DPP10: variants seen among roughly 807,000 people sequenced by gnomAD.
DPP10 encodes dipeptidyl peptidase like 10, also known as inactive dipeptidyl peptidase 10.
In DPP10, 33 loss-of-function variants were observed where a neutral mutation model predicts 120.9. The ratio of observed to expected loss-of-function variants is 0.27; its 90% confidence interval spans 0.21 to 0.37. The LOEUF (loss-of-function observed/expected upper bound fraction) is 0.37, where lower values mean the gene tolerates loss of function less well. Among genes scored for constraint, DPP10 ranks in the 10% least tolerant of loss-of-function variants. The pLI is 1.00. For synonymous variants in DPP10, 337 were observed against 326.1 expected, an observed-to-expected ratio of 1.03 and a Z score of -0.36; for missense variants, 816 against 942.8, an observed-to-expected ratio of 0.87 and a Z score of 1.76.
rs748641469 is a variant in DPP10, at chr2:114,442,713, G to A, written c.-66G>A. 1 of 1,593,514 alleles carries A rather than the reference G, an allele frequency of 6.3e-7. No homozygotes were observed. The highest frequency in any genetic ancestry group is 8.6e-7 in the Non-Finnish European group (1 of 1,164,652). ...CAGCCCCTACTGAAGTCCAATAGAG[G>A]AGACTTGATCTCTAGTTCATTCTGG... is the stretch of plus-strand genomic sequence containing the variant. On this transcript the variant is annotated 5_prime_UTR_variant, in exon 1 of 26. Transcript: ENST00000410059.
At chr2:115,833,005 A>T (rs908114184) in intron 21 of DPP10, among the ~76,000 whole-genome samples, 1 of 152,170 alleles carries the variant, frequency 6.6e-6, no homozygotes, top group Non-Finnish European at 1.5e-5. Context: ...TTGAATCTGT[A>T]TGCTGACAAC....
At chr2:115,639,553 G>T (rs1271888893) in intron 5 of DPP10, among the ~76,000 whole-genome samples, 1 of 152,068 alleles carries the variant, frequency 6.6e-6, no homozygotes, top group South Asian at 2.1e-4. Context: ...TTTATGCAAA[G>T]AACCAAAGCG....
intron 1 of DPP10, among the ~76,000 whole-genome samples, chr2:114,514,700 T>C (rs1028390048): frequency 3.3e-5 from 5 of 152,106 alleles, no homozygotes; most frequent in African/African-American, 1.2e-4. Flanking sequence ...GGAAAGGCCT[T>C]TCCAGGATCC....
intron 19 of DPP10, 161 bp from the exon 20 acceptor site, chr2:115,814,632 G>T: frequency 2.0e-6 from 1 of 490,586 alleles, no homozygotes; most frequent in Non-Finnish European, 3.3e-6. Context: ...TTTTACGAAG[G>T]AAAATTGTAA....
intron 19 of DPP10, among the ~76,000 whole-genome samples, chr2:115,801,286 G>A (rs189087466): frequency 1.7e-4 from 26 of 152,280 alleles, no homozygotes; most frequent in African/African-American, 5.8e-4. Flanking sequence ...CATTGATTTT[G>A]TATGCTGAGA....
chr2:115,735,020 G>A (rs1247095228), intron 8 of DPP10, among the ~76,000 whole-genome samples: 2 of 152,174 alleles, frequency 1.3e-5, no homozygotes, highest in Non-Finnish European at 1.5e-5. Context: ...AATTTTTACA[G>A]AAATAGAAGC....
At chr2:114,634,281 T>C (rs1300178761) in intron 1 of DPP10, among the ~76,000 whole-genome samples, 1 of 151,958 alleles carries the variant, frequency 6.6e-6, no homozygotes, top group African/African-American at 2.4e-5. Context: ...GTTCAAAAGT[T>C]AAATGAATAT....
intron 1 of DPP10, among the ~76,000 whole-genome samples, chr2:114,704,536 A>G (rs1453384055): frequency 2.0e-5 from 3 of 152,226 alleles, no homozygotes; most frequent in Admixed American, 6.5e-5. Context: ...TTATCTCAAA[A>G]GAGGATGTTG....
rs150962542 is a variant in DPP10 at position 115,522,331 on chromosome 2, G to A, written c.367-3567G>A. 2.2e-3 allele frequency among the ~76,000 whole-genome samples: 342 copies of A among 152,260 alleles called. 2 individuals are homozygous for A. The highest frequency in any genetic ancestry group is 0.01 in the Middle Eastern group (3 of 294). ...TCTACCAGTGACTAACGAGGTTCATGACATGCATCTTATCCTGAACAATAT... is the reference window on the plus strand; with the variant it reads ...TCTACCAGTGACTAACGAGGTTCATAACATGCATCTTATCCTGAACAATAT... On this transcript the variant is annotated intron_variant, in intron 4 of 25. Coordinates refer to ENST00000410059, the MANE Select transcript of DPP10 (RefSeq NM_020868.6).
In DPP10 at chr2:115,275,961, A is replaced by G. The variant is rs2059905363; in HGVS notation, c.61-33278A>G. On this transcript the variant is annotated intron_variant, in intron 1 of 25. Transcript: ENST00000410059. ...CGTGATCCGCCCGCCTCGGCCTCCC[A>G]AAGTGCTGGGATTACGGGCGTGAGC... 4.6e-5 allele frequency among the ~76,000 whole-genome samples: 7 copies of G among 151,942 alleles called. No individual in the cohort carries two copies. The South Asian group carries it at 1.0e-3, about 23-fold the overall frequency.
intron 1 of DPP10, among the ~76,000 whole-genome samples, chr2:115,013,514 G>A (rs138093131): frequency 1.3e-5 from 2 of 151,920 alleles, no homozygotes; most frequent in Admixed American, 6.6e-5. Context: ...GGCATTCTCT[G>A]TATTTCCTGA....
At chr2:115,486,185 T>C (rs1231644615) in intron 3 of DPP10, among the ~76,000 whole-genome samples, 1 of 152,134 alleles carries the variant, frequency 6.6e-6, no homozygotes, top group Non-Finnish European at 1.5e-5. Context: ...CTATCACCTT[T>C]TGTATGTCAA....
At position 114,748,351 on chromosome 2, in the gene DPP10, ATTTTT is replaced by A. The variant is rs1458478614; in HGVS notation, c.60+305518_60+305522del. The stretch of plus-strand genomic sequence containing the variant: ...AAAGGGAATTTTCTTTTTTTTTTTT[ATTTTT>A]TTTTATTTTATTTATTTATTTATTT... On this transcript the variant is annotated intron_variant, in intron 1 of 25. Transcript: ENST00000410059. Among the ~76,000 whole-genome samples the A allele has an allele frequency of 7.9e-5, 8 of 101,278 alleles. 1 individual carries two copies. Among genetic ancestry groups the A allele is most frequent in the East Asian group, 2.6e-4 (1 of 3,812 alleles). 66.4% of individuals were successfully genotyped at this position (101,278 alleles called of 152,430 possible).
At chr2:114,881,697 G>T (rs368712343) in intron 1 of DPP10, among the ~76,000 whole-genome samples, 1 of 151,894 alleles carries the variant, frequency 6.6e-6, no homozygotes, top group African/African-American at 2.4e-5. Context: ...AAGACCTGAG[G>T]AATAATTATG....
At chr2:115,154,659 A>AT (rs897048006) in intron 1 of DPP10, among the ~76,000 whole-genome samples, 5 of 151,302 alleles carry the variant, frequency 3.3e-5, no homozygotes, top group African/African-American at 1.2e-4. Context: ...GTGAATAAAG[A>AT]TTTTTTTTTC....
chr2:115,350,687 A>G (rs1265514851), intron 3 of DPP10, among the ~76,000 whole-genome samples: 5 of 152,142 alleles, frequency 3.3e-5, no homozygotes, highest in African/African-American at 9.6e-5. Flanking sequence ...CTTAAGAGGC[A>G]TGGATTCTTA....
At chr2:115,377,150 T>G (rs2065875260) in intron 3 of DPP10, among the ~76,000 whole-genome samples, 4 of 152,144 alleles carry the variant, frequency 2.6e-5, no homozygotes, top group African/African-American at 7.2e-5. Flanking sequence ...ATGGTTGAAC[T>G]AGTTTACAGT....
intron 1 of DPP10, among the ~76,000 whole-genome samples, chr2:114,973,866 G>A (rs1039719798): frequency 6.6e-6 from 1 of 151,756 alleles, no homozygotes; most frequent in African/African-American, 2.4e-5. Flanking sequence ...GCTAATGTGT[G>A]TGTTTTTGTC....
intron 3 of DPP10, among the ~76,000 whole-genome samples, chr2:115,474,039 G>A (rs1003549541): frequency 1.4e-4 from 22 of 152,256 alleles, no homozygotes; most frequent in African/African-American, 4.3e-4. Context: ...ATGAGATGAC[G>A]TCGTGACCTT....
Sources: allele counts gnomAD v4.1 joint callset (sites outside exome capture counted in the v4.1 genomes callset), GRCh38; gene constraint gnomAD v4.1.1; transcripts MANE v1.5; gene names NCBI Gene and HGNC (gene_info 2026-07-23, HGNC 2026-07-21).